Variants in ZBTB38 observed in about 807,000 individuals in gnomAD.
The protein encoded by ZBTB38 is zinc finger and BTB domain-containing protein 38.
ZBTB38 carries 20 observed loss-of-function variants against 76.8 expected under a neutral mutation model. The observed-to-expected ratio is 0.26, with a 90% CI of 0.18 to 0.38. The LOEUF (loss-of-function observed/expected upper bound fraction) is 0.38, where lower values mean the gene tolerates loss of function less well. ZBTB38 is among the 10% of genes least tolerant of loss of function. The pLI, the probability that ZBTB38 is intolerant of heterozygous loss-of-function variation, is 1.00. For missense variants in ZBTB38, 1,082 were observed against 1,482.3 expected (o/e 0.73, Z 4.43); for synonymous variants, 504 against 544.2 (o/e 0.93, Z 1.03).
chr3:141,347,613 A>T (rs995264193), intron 1 of ZBTB38, among the ~76,000 whole-genome samples: 6 of 152,194 alleles, frequency 3.9e-5, no homozygotes, highest in African/African-American at 1.4e-4. Flanking sequence ...CAGGTCACCT[A>T]GGCTCCGGCT....
rs1380369817 is a variant in ZBTB38 at position 141,449,304 on chromosome 3, G to T, written c.*3328G>T. 6.6e-6 allele frequency: 1 copy of T among 152,196 alleles called. No individual in the cohort carries two copies. Among genetic ancestry groups the T allele is most frequent in the Non-Finnish European group, 1.5e-5 (1 of 68,028 alleles). 9.4% of individuals were successfully genotyped at this position (152,196 alleles called of 1,614,324 possible). A position where few individuals can be genotyped will look rare whatever the true frequency, so the allele number is the denominator to read the frequency against. On this transcript the variant is annotated 3_prime_UTR_variant, in exon 6 of 6. Coordinates refer to ENST00000321464, the MANE Select transcript of ZBTB38 (RefSeq NM_001376113.1). Reference sequence around the variant, plus strand: ...GCAGTTAGTGACTGCCCTGGAACAGGATTAAAGGAGGCTGTGTCAGGTTCA... The same window carrying T: ...GCAGTTAGTGACTGCCCTGGAACAGTATTAAAGGAGGCTGTGTCAGGTTCA...
intron 1 of ZBTB38, among the ~76,000 whole-genome samples, chr3:141,344,766 G>C (rs1034536052): frequency 2.6e-5 from 4 of 152,212 alleles, no homozygotes; most frequent in Admixed American, 2.0e-4. Flanking sequence ...AAGGTCCTCT[G>C]CTTTTAAGGA....
chr3:141,436,868 A>C (rs550325538), intron 5 of ZBTB38, among the ~76,000 whole-genome samples: 115 of 152,322 alleles, frequency 7.5e-4, no homozygotes, highest in African/African-American at 2.6e-3. Context: ...TAGTTTTAAA[A>C]ATCACATGGG....
Position 141,388,403 on chromosome 3 carries a change from T to A in ZBTB38, c.-106+1466T>A, listed in dbSNP as rs77489330. ...ATATTATGTATATAATTTGGGGGGATGAGGAGTTACAATTTTTAAAGAGGG... is the reference window on the plus strand; with the variant it reads ...ATATTATGTATATAATTTGGGGGGAAGAGGAGTTACAATTTTTAAAGAGGG... On this transcript the variant is annotated intron_variant, in intron 4 of 5. Transcript: ENST00000321464. The A allele has an allele frequency of 1.5e-4, 23 of 152,240 alleles. No individual in the cohort carries two copies. In the East Asian group the frequency reaches 4.4e-3, roughly 29 times the overall value. The allele number at this position is 152,240 out of a possible 1,614,324, so 9.4% of individuals were successfully genotyped here.
chr3:141,424,526 A>C (rs2076024157), intron 5 of ZBTB38, among the ~76,000 whole-genome samples: 1 of 152,210 alleles, frequency 6.6e-6, no homozygotes, highest in Non-Finnish European at 1.5e-5. Flanking sequence ...TCAGTAAAAA[A>C]AATAAAAATA....
chr3:141,397,186 C>T (rs1462084026), intron 4 of ZBTB38, among the ~76,000 whole-genome samples: 1 of 152,204 alleles, frequency 6.6e-6, no homozygotes, highest in East Asian at 1.9e-4. Context: ...CTGTAGCATC[C>T]ACATCAGCAC....
chr3:141,331,550 T>G lies in ZBTB38; in HGVS notation c.-739+7094T>G, dbSNP rs79028236. On this transcript the variant is annotated intron_variant, in intron 1 of 7. Transcript: ENST00000509842. Reference sequence around the variant, plus strand: ...TGTTTGGGTTGTTTTTTGTTTTTTGTTTTTTTTTTATTGCTCACACACAAA... The same window carrying G: ...TGTTTGGGTTGTTTTTTGTTTTTTGGTTTTTTTTTATTGCTCACACACAAA... Among the ~76,000 whole-genome samples the G allele has an allele frequency of 6.7e-3, 991 of 148,426 alleles. 12 individuals are homozygous for G. Among genetic ancestry groups the G allele is most frequent in the African/African-American group, 0.022 (898 of 40,560 alleles).
At chr3:141,401,681 A>T (rs1223904532) in intron 4 of ZBTB38, among the ~76,000 whole-genome samples, 6 of 144,484 alleles carry the variant, frequency 4.2e-5, no homozygotes, top group South Asian at 2.2e-4. Context: ...TGGACGATTT[A>T]AAAAAAAAAA....
chr3:141,334,054 A>G (rs1942934538), intron 1 of ZBTB38, among the ~76,000 whole-genome samples: 5 of 152,170 alleles, frequency 3.3e-5, no homozygotes, highest in Non-Finnish European at 7.4e-5. Flanking sequence ...AATCCTTTGA[A>G]TCACCCATAA....
rs1577558530 is a variant in ZBTB38, at chr3:141,444,323, C to T, written c.1935C>T (p.Ala645=). 1 of 1,614,160 alleles carries T rather than the reference C, an allele frequency of 6.2e-7. No individual in the cohort carries two copies. Among genetic ancestry groups the T allele is most frequent in the Non-Finnish European group, 8.5e-7 (1 of 1,180,032 alleles). The stretch of plus-strand genomic sequence containing the variant: ...CATGTCAGGACATACCCACTTCTGC[C>T]AATGTACAAAATGCAGAGGGTACCA... ...TSACQDIPTS[A]NVQNAEGTKW... is the part of the protein sequence containing the mutation. The change falls in exon 6 of 6, where the codon GCC becomes GCT. Residue 645 remains alanine (A), a synonymous_variant. Coordinates refer to ENST00000321464, the MANE Select transcript of ZBTB38 (RefSeq NM_001376113.1). The surrounding 1 kb of genome is among the most constrained non-coding windows in gnomAD (Gnocchi z 5.1).
chr3:141,419,235 T>A (rs1386965749), intron 5 of ZBTB38, among the ~76,000 whole-genome samples: 4 of 152,156 alleles, frequency 2.6e-5, no homozygotes, highest in African/African-American at 9.7e-5. Context: ...AAAAACTCAC[T>A]GTTCAGGAGA....
At chr3:141,414,295 G>A (rs184649405) in intron 5 of ZBTB38, among the ~76,000 whole-genome samples, 103 of 152,300 alleles carry the variant, frequency 6.8e-4, no homozygotes, top group African/African-American at 2.4e-3. Flanking sequence ...CCTATGGACT[G>A]CTTCTTGCAT....
In ZBTB38 at chr3:141,442,376, C is replaced by T. The variant is rs1292687925; in HGVS notation, c.1-13C>T. 6.3e-7 allele frequency: 1 copy of T among 1,589,736 alleles called. No homozygotes were observed. Among genetic ancestry groups the T allele is most frequent in the Non-Finnish European group, 8.6e-7 (1 of 1,162,766 alleles). ...TGGAAGATTATCTGACCATTTCTCT[C>T]CTCTTGTTTCAGATGACAGTCATGT... is the stretch of plus-strand genomic sequence containing the variant. On this transcript the variant is annotated splice_polypyrimidine_tract_variant and intron_variant, in intron 5 of 5. Coordinates refer to ENST00000321464, the MANE Select transcript of ZBTB38 (RefSeq NM_001376113.1). The surrounding 1 kb of genome is among the most constrained non-coding windows in gnomAD (Gnocchi z 6.4).
At chr3:141,336,911 G>A (rs1413876105) in intron 1 of ZBTB38, among the ~76,000 whole-genome samples, 1 of 152,132 alleles carries the variant, frequency 6.6e-6, no homozygotes, top group African/African-American at 2.4e-5. Context: ...CACTAGGCAG[G>A]GAAAAGTAAA....
chr3:141,340,414 T>C (rs1430388970), intron 1 of ZBTB38, among the ~76,000 whole-genome samples: 1 of 152,180 alleles, frequency 6.6e-6, no homozygotes, highest in Non-Finnish European at 1.5e-5. Context: ...CCTATTGTGC[T>C]AGAAACTATG....
Position 141,399,747 on chromosome 3 carries a change from A to T in ZBTB38, c.-105-4180A>T, listed in dbSNP as rs568955326. On this transcript the variant is annotated intron_variant, in intron 4 of 5. Transcript: ENST00000321464. The stretch of plus-strand genomic sequence containing the variant: ...AGATACTTTAGTCTTTTAATATATT[A>T]TAATATTGAAACCTTAAAGAGAAGA... Among the ~76,000 whole-genome samples, 3 of 152,346 alleles carry T rather than the reference A, an allele frequency of 2.0e-5. No homozygotes were observed. The East Asian group carries it at 5.8e-4, about 29-fold the overall frequency.
At chr3:141,354,044 A>C (rs974560899) in intron 1 of ZBTB38, among the ~76,000 whole-genome samples, 4 of 152,190 alleles carry the variant, frequency 2.6e-5, no homozygotes, top group African/African-American at 9.7e-5. Context: ...TGATTTCGTA[A>C]GTCAATAATC....
At chr3:141,383,891 C>A (rs1393274305) in intron 3 of ZBTB38, among the ~76,000 whole-genome samples, 1 of 152,116 alleles carries the variant, frequency 6.6e-6, no homozygotes, top group Non-Finnish European at 1.5e-5. Context: ...TGCACATGCC[C>A]CGAGGAGGCT....
intron 1 of ZBTB38, among the ~76,000 whole-genome samples, chr3:141,369,346 CATTATCTTATCGCCCTGTTT>C (rs1944207058): frequency 6.6e-6 from 1 of 152,214 alleles, no homozygotes; most frequent in African/African-American, 2.4e-5. Flanking sequence ...TATGAACCTC[CATTATCTTATCGCCCTGTTT>C]ACAGAGGACT....
Sources: gnomAD v4.1 joint callset for allele counts (sites outside exome capture counted in the v4.1 genomes callset) on GRCh38, gnomAD v4.1.1 for gene constraint, Gnocchi (gnomAD v3.1) non-coding constraint, MANE v1.5 for transcripts, NCBI Gene and HGNC (gene_info 2026-07-23, HGNC 2026-07-21) for gene names.